Variants in OXR1 observed in about 807,000 individuals in gnomAD.
OXR1 encodes oxidation resistance protein 1.
In OXR1, 41 loss-of-function variants were observed where a neutral mutation model predicts 104.6. The ratio of observed to expected loss-of-function variants is 0.39; its 90% confidence interval spans 0.31 to 0.51. OXR1 has a LOEUF of 0.51. Among genes scored for constraint, OXR1 ranks in the 20% least tolerant of loss-of-function variants. The pLI is 0.77. For synonymous variants in OXR1, 348 were observed against 348.4 expected (o/e 1.00, Z 0.01); for missense variants, 955 against 1,031.9 (o/e 0.93, Z 1.02).
rs73698910 is a variant in OXR1 at position 106,377,934 on chromosome 8, T to C, written c.23+18298T>C. The stretch of plus-strand genomic sequence containing the variant: ...TCAGATTTGTTTTGACCTAGTGTAG[T>C]ATAGGTGCTATCTTCTTTTTCTATT... On this transcript the variant is annotated intron_variant, in intron 2 of 16. Coordinates refer to ENST00000517566, the MANE Select transcript of OXR1 (RefSeq NM_001198533.2). Among the ~76,000 whole-genome samples, 654 of 152,322 alleles carry C rather than the reference T, an allele frequency of 4.3e-3. 7 individuals carry two copies. The highest frequency in any genetic ancestry group is 0.014 in the African/African-American group (586 of 41,572).
At chr8:106,492,126 G>C (rs993211860) in intron 2 of OXR1, among the ~76,000 whole-genome samples, 2 of 152,148 alleles carry the variant, frequency 1.3e-5, no homozygotes. Context: ...TGATATCAAT[G>C]TGTTTTCTTT....
intron 10 of OXR1, 70 bp downstream of exon 10, chr8:106,710,860 A>G: frequency 1.0e-6 from 1 of 955,968 alleles, no homozygotes; most frequent in South Asian, 3.1e-5. Flanking sequence ...TTGTGTGTCA[A>G]AATACCAATG....
chr8:106,549,361 C>T (rs979391121), intron 3 of OXR1, among the ~76,000 whole-genome samples: 2 of 151,910 alleles, frequency 1.3e-5, no homozygotes, highest in African/African-American at 2.4e-5. Flanking sequence ...TGAGACTAGA[C>T]ATATAGGAAA....
At chr8:106,519,945 T>A (rs1408944819) in intron 3 of OXR1, among the ~76,000 whole-genome samples, 11 of 152,158 alleles carry the variant, frequency 7.2e-5, no homozygotes. Flanking sequence ...TCAGTCTATC[T>A]GAGACAAAAG....
intron 7 of OXR1, 46 bp downstream of exon 7, chr8:106,692,923 A>G (rs1014699864): frequency 2.9e-6 from 4 of 1,358,226 alleles, no homozygotes; most frequent in Non-Finnish European, 4.1e-6. Context: ...TGCTTTAGTT[A>G]TTACTAATGT....
chr8:106,421,793 C>T (rs544539880), intron 2 of OXR1, among the ~76,000 whole-genome samples: 1 of 64,052 alleles, frequency 1.6e-5, no homozygotes, highest in Non-Finnish European at 2.7e-5. Context: ...CAGCAGTAGA[C>T]TGGGAGAGGC....
intron 2 of OXR1, among the ~76,000 whole-genome samples, chr8:106,406,595 A>C (rs543271548): frequency 6.6e-6 from 1 of 152,198 alleles, no homozygotes; most frequent in East Asian, 1.9e-4. Flanking sequence ...AAGCTAATCC[A>C]AAAAGGCTAC....
intron 4 of OXR1, among the ~76,000 whole-genome samples, chr8:106,681,849 A>G (rs1828187491): frequency 6.6e-6 from 1 of 152,154 alleles, no homozygotes; most frequent in Non-Finnish European, 1.5e-5. Context: ...TATCGTTTTT[A>G]GAGACTTAAC....
intron 2 of OXR1, among the ~76,000 whole-genome samples, chr8:106,475,007 A>G (rs1200855732): frequency 6.6e-6 from 1 of 151,882 alleles, no homozygotes; most frequent in African/African-American, 2.4e-5. Flanking sequence ...CTGTTTCCTT[A>G]TCTACAAAAT....
intron 3 of OXR1, among the ~76,000 whole-genome samples, chr8:106,659,418 A>G (rs28921374): frequency 1.0e-3 from 155 of 152,354 alleles, no homozygotes; most frequent in African/African-American, 3.5e-3. Flanking sequence ...ATCTTTAGAA[A>G]TGCTGTTTAT....
At chr8:106,624,927 G>A (rs1184643631) in intron 3 of OXR1, among the ~76,000 whole-genome samples, 1 of 151,984 alleles carries the variant, frequency 6.6e-6, no homozygotes, top group Non-Finnish European at 1.5e-5. Context: ...AAGGAGCTGG[G>A]ACTTCAGGCA....
intron 1 of OXR1, among the ~76,000 whole-genome samples, chr8:106,271,171 G>A (rs1442417436): frequency 6.6e-6 from 1 of 152,060 alleles, no homozygotes; most frequent in African/African-American, 2.4e-5. Context: ...AGGGTTGGAG[G>A]CTTCCCCGTG....
intron 2 of OXR1, among the ~76,000 whole-genome samples, chr8:106,404,989 T>C (rs2130487229): frequency 6.6e-6 from 1 of 151,952 alleles, no homozygotes; most frequent in Non-Finnish European, 1.5e-5. Flanking sequence ...GCTCCTTGGT[T>C]CTTATAAGTG....
At chr8:106,479,205 A>T (rs1821970609) in intron 2 of OXR1, among the ~76,000 whole-genome samples, 1 of 152,004 alleles carries the variant, frequency 6.6e-6, no homozygotes, top group Non-Finnish European at 1.5e-5. Flanking sequence ...TATTTAGAAT[A>T]ATACAGTGTT....
rs993782397 is a variant in OXR1 at position 106,751,279 on chromosome 8, A to G, written c.*338A>G. On this transcript the variant is annotated 3_prime_UTR_variant, in exon 17 of 17. Transcript: ENST00000517566. ...GTGCTCTTTTGTTGAACCTGTATTG[A>G]TTTTTTTTTTTTTAACTATATTGAT... 6.4e-6 allele frequency: 1 copy of G among 155,064 alleles called. No homozygotes were observed. Among genetic ancestry groups the G allele is most frequent in the African/African-American group, 2.5e-5 (1 of 40,142 alleles). The allele number at this position is 155,064 out of a possible 1,614,324, so 9.6% of individuals were successfully genotyped here. A position where few individuals can be genotyped will look rare whatever the true frequency, so the allele number is the denominator to read the frequency against.
Position 106,320,075 on chromosome 8 carries a change from A to G in OXR1, c.-138-39401A>G, listed in dbSNP as rs76457140. ...CTTAGAGCAGTGGTAACTATGATTGACATGTAATGATGCATTCAAAGCACA... is the reference window on the plus strand; with the variant it reads ...CTTAGAGCAGTGGTAACTATGATTGGCATGTAATGATGCATTCAAAGCACA... On this transcript the variant is annotated intron_variant, in intron 1 of 16. Coordinates refer to ENST00000517566, the MANE Select transcript of OXR1 (RefSeq NM_001198533.2). Among the ~76,000 whole-genome samples the G allele has an allele frequency of 9.3e-3, 1,418 of 152,320 alleles. 10 individuals are homozygous for G. The highest frequency in any genetic ancestry group is 0.014 in the Admixed American group (208 of 15,306).
At chr8:106,703,635 G>C (rs1830794815) in intron 8 of OXR1, among the ~76,000 whole-genome samples, 1 of 152,074 alleles carries the variant, frequency 6.6e-6, no homozygotes, top group African/African-American at 2.4e-5. Flanking sequence ...GTTAACTTTG[G>C]AATATACTGG....
At chr8:106,557,864 T>A (rs1816400859) in intron 3 of OXR1, among the ~76,000 whole-genome samples, 1 of 152,216 alleles carries the variant, frequency 6.6e-6, no homozygotes, top group African/African-American at 2.4e-5. Context: ...GTTTTTATTT[T>A]TAAGAAGAGA....
At chr8:106,388,514 C>T (rs1482879702) in intron 2 of OXR1, among the ~76,000 whole-genome samples, 2 of 151,936 alleles carry the variant, frequency 1.3e-5, no homozygotes, top group Non-Finnish European at 2.9e-5. Context: ...CCTCTGCCTC[C>T]CTGGTTCAAG....
Sources: allele counts gnomAD v4.1 joint callset (sites outside exome capture counted in the v4.1 genomes callset), GRCh38; gene constraint gnomAD v4.1.1; transcripts MANE v1.5; gene names NCBI Gene and HGNC (gene_info 2026-07-23, HGNC 2026-07-21).